The following LMCD1 variants were observed in gnomAD, a reference collection of about 807,000 sequenced individuals.
LMCD1 encodes the protein LIM and cysteine rich domains 1.
LMCD1 carries 32 observed loss-of-function variants against 42.7 expected under a neutral mutation model. The observed-to-expected ratio is 0.75, with a 90% CI of 0.57 to 1.01. LMCD1 has a LOEUF of 1.01. Ranked by LOEUF, LMCD1 falls within the 50% of genes least tolerant of loss-of-function variation. The pLI is 0.00. For synonymous variants in LMCD1, 178 were observed against 184.9 expected, an observed-to-expected ratio of 0.96 and a Z score of 0.30; for missense variants, 458 against 483.1, an observed-to-expected ratio of 0.95 and a Z score of 0.49.
rs1016376273 is a variant in LMCD1, at chr3:8,539,100, C to T, written c.387+1660C>T. ...TCACACTGAAATCTCATGGGGTATG[C>T]GCTACATTCTAATCACATGAGAGAG... On this transcript the variant is annotated intron_variant, in intron 3 of 5. Transcript: ENST00000157600. 3.3e-5 allele frequency among the ~76,000 whole-genome samples: 5 copies of T among 152,098 alleles called. No individual in the cohort carries two copies. The South Asian group carries it at 6.2e-4, about 19-fold the overall frequency.
intron 4 of LMCD1, among the ~76,000 whole-genome samples, chr3:8,559,222 C>T (rs1694982144): frequency 6.6e-6 from 1 of 152,166 alleles, no homozygotes; most frequent in African/African-American, 2.4e-5. Flanking sequence ...TCTACATGCC[C>T]TTGGTATCAT....
intron 1 of LMCD1, among the ~76,000 whole-genome samples, chr3:8,509,641 G>A (rs192170197): frequency 3.3e-5 from 5 of 152,294 alleles, no homozygotes. Flanking sequence ...TAATGTCAGT[G>A]TTCTGTGAGT....
In LMCD1 at chr3:8,565,458, C is replaced by T. The variant is rs755720224; in HGVS notation, c.750C>T (p.Ala250=). 29 of 1,614,054 alleles carry T rather than the reference C, an allele frequency of 1.8e-5. No homozygotes were observed. The highest frequency in any genetic ancestry group is 2.1e-5 in the Non-Finnish European group (25 of 1,180,036). The change falls in exon 5 of 6, where the codon GCC becomes GCT. Residue 250 remains alanine (A), a synonymous_variant. Transcript: ENST00000157600. ...TCTGCGAGCTCTGCAAGGGAGCGGC[C>T]CCTCCTGACAGCCCCGTGGTCTACT... ...EYVCELCKGA[A]PPDSPVVYSD...
intron 4 of LMCD1, among the ~76,000 whole-genome samples, chr3:8,560,815 C>T (rs961964190): frequency 7.9e-5 from 12 of 152,170 alleles, no homozygotes; most frequent in Non-Finnish European, 2.9e-5. Flanking sequence ...GAAAAACTCA[C>T]ACCACTCATT....
At position 8,568,910 on chromosome 3, in the gene LMCD1, T is replaced by G. The variant is rs1196233749; in HGVS notation, c.*1312T>G. ...TTTAACCTCACCATCCAAATTTCAC[T>G]CTGACCATCTCGTACCTAGAAAACC... On this transcript the variant is annotated 3_prime_UTR_variant, in exon 6 of 6. Transcript: ENST00000157600. 6.6e-6 allele frequency: 1 copy of G among 152,226 alleles called. No homozygotes were observed. Among genetic ancestry groups the G allele is most frequent in the East Asian group, 1.9e-4 (1 of 5,196 alleles). The allele number at this position is 152,226 out of a possible 1,614,324, so 9.4% of individuals were successfully genotyped here.
chr3:8,549,815 G>A, intron 4 of LMCD1: 1 of 703,540 alleles, frequency 1.4e-6, no homozygotes, highest in South Asian at 1.5e-5. Context: ...AGGTGGCTCA[G>A]GGCATCATGT....
intron 1 of LMCD1, among the ~76,000 whole-genome samples, chr3:8,503,792 C>A (rs17049214): frequency 0.037 from 5,614 of 152,266 alleles, 137 homozygotes; most frequent in South Asian, 0.13. Flanking sequence ...CTAAAGGTGG[C>A]AGAGTTCCAT....
At position 8,530,745 on chromosome 3, in the gene LMCD1, G is replaced by A. The variant is rs531301672; in HGVS notation, c.43-1992G>A. Among the ~76,000 whole-genome samples the A allele has an allele frequency of 2.6e-5, 4 of 152,360 alleles. No individual in the cohort carries two copies. In the South Asian group the frequency reaches 8.3e-4, roughly 32 times the overall value. ...CATTTCAACTAGGAGAACTGAAGGT[G>A]TCAAGGGGAGGTGGAAATGAGCAAG... On this transcript the variant is annotated intron_variant, in intron 1 of 5. Transcript: ENST00000157600.
At chr3:8,554,634 G>T (rs1053797054) in intron 4 of LMCD1, among the ~76,000 whole-genome samples, 3 of 152,106 alleles carry the variant, frequency 2.0e-5, no homozygotes, top group African/African-American at 7.2e-5. Flanking sequence ...AGGCTGGTGG[G>T]AGCCCCTCGC....
At position 8,548,853 on chromosome 3, in the gene LMCD1, G is replaced by A. The variant is rs754465562; in HGVS notation, c.673G>A (p.Ala225Thr). ...QEKPEGAETT[A>T]ATTNGSLSDP... The stretch of plus-strand genomic sequence containing the variant: ...AAAGCCAGAGGGGGCAGAGACCACT[G>A]CTGCTACCACCAACGGCAGTCTCAG... Residue 225 changes from alanine (A) to threonine (T), a missense_variant, in exon 4 of 6, where the codon GCT becomes ACT. Ala to Thr is a moderately conservative substitution (Grantham distance 58, BLOSUM62 0). Coordinates refer to ENST00000157600, the MANE Select transcript of LMCD1 (RefSeq NM_014583.4). 1.9e-6 allele frequency: 3 copies of A among 1,575,100 alleles called. No individual in the cohort carries two copies. Among genetic ancestry groups the A allele is most frequent in the South Asian group, 1.2e-5 (1 of 85,216 alleles).
intron 5 of LMCD1, 92 bp from the exon 6 acceptor site, chr3:8,567,348 G>A: frequency 7.7e-7 from 1 of 1,306,346 alleles, no homozygotes; most frequent in South Asian, 1.5e-5. Context: ...AATAGGATGG[G>A]ATGAACCACC....
In LMCD1 at chr3:8,567,579, G is replaced by C; in HGVS notation, c.1079G>C (p.Ser360Thr). 1 of 1,613,642 alleles carries C rather than the reference G, an allele frequency of 6.2e-7. No homozygotes were observed. Among genetic ancestry groups the C allele is most frequent in the Non-Finnish European group, 8.5e-7 (1 of 1,179,884 alleles). The change falls in exon 6 of 6, where the codon AGC becomes ACC. Residue 360 changes from serine (S) to threonine (T), a missense_variant. Coordinates refer to ENST00000157600, the MANE Select transcript of LMCD1 (RefSeq NM_014583.4). ...TKGQLLCPTC[S>T]KSKRS ...GGTCAGCTTCTGTGCCCAACTTGCA[G>C]CAAGTCCAAACGCTCCTGAAGGGCT...
chr3:8,534,753 C>T (rs1694479517), intron 2 of LMCD1, among the ~76,000 whole-genome samples: 1 of 152,096 alleles, frequency 6.6e-6, no homozygotes, highest in Admixed American at 6.5e-5. Flanking sequence ...GTTTTAATAC[C>T]GTTGAGGATA....
intron 3 of LMCD1, among the ~76,000 whole-genome samples, chr3:8,545,204 C>A (rs574254690): frequency 6.6e-6 from 1 of 151,992 alleles, no homozygotes; most frequent in Admixed American, 6.6e-5. Flanking sequence ...TAAGAAAAAG[C>A]GATTTTAGAC....
chr3:8,566,628 C>T (rs1695136574), intron 5 of LMCD1, among the ~76,000 whole-genome samples: 2 of 152,324 alleles, frequency 1.3e-5, no homozygotes, highest in South Asian at 2.1e-4. Flanking sequence ...TTGCTACATA[C>T]TTTACGTACA....
At chr3:8,533,941 A>C (rs1184853329) in intron 2 of LMCD1, among the ~76,000 whole-genome samples, 1 of 151,404 alleles carries the variant, frequency 6.6e-6, no homozygotes. Context: ...GTTGCTAGGG[A>C]CCTTCAAGGT....
At chr3:8,542,917 A>G (rs1422528705) in intron 3 of LMCD1, among the ~76,000 whole-genome samples, 3 of 152,206 alleles carry the variant, frequency 2.0e-5, no homozygotes, top group Non-Finnish European at 4.4e-5. Context: ...GCCCTCCCTA[A>G]GAGTTGGCTG....
intron 1 of LMCD1, among the ~76,000 whole-genome samples, chr3:8,509,270 C>T (rs1693947117): frequency 6.6e-6 from 1 of 152,160 alleles, no homozygotes; most frequent in Admixed American, 6.5e-5. Context: ...CTTCTAAGCT[C>T]TCAGACTGCA....
chr3:8,537,501 A>G, intron 3 of LMCD1, 61 bp downstream of exon 3: 3 of 1,477,508 alleles, frequency 2.0e-6, no homozygotes, highest in Non-Finnish European at 2.7e-6. Context: ...TAGCCATGTC[A>G]AGTGTTTCTG....
Sources: allele counts gnomAD v4.1 joint callset (sites outside exome capture counted in the v4.1 genomes callset), GRCh38; gene constraint gnomAD v4.1.1; transcripts MANE v1.5; gene names NCBI Gene and HGNC (gene_info 2026-07-23, HGNC 2026-07-21).